Variants in PIK3R1 observed in about 807,000 individuals in gnomAD.
PIK3R1 encodes phosphatidylinositol 3-kinase regulatory subunit alpha.
In PIK3R1, 29 loss-of-function variants were observed where a neutral mutation model predicts 98.0. The observed-to-expected ratio is 0.30, with a 90% CI of 0.22 to 0.40. The LOEUF is 0.40. Among genes scored for constraint, PIK3R1 ranks in the 10% least tolerant of loss-of-function variants. The pLI is 1.00. For missense variants in PIK3R1, 596 were observed against 872.7 expected (o/e 0.68, Z 3.99); for synonymous variants, 282 against 311.8 (o/e 0.90, Z 1.01).
At chr5:68,224,850 C>T (rs1292411707) in intron 1 of PIK3R1, among the ~76,000 whole-genome samples, 1 of 152,188 alleles carries the variant, frequency 6.6e-6, no homozygotes, top group East Asian at 1.9e-4. Flanking sequence ...GACTTAGTAA[C>T]TCTCTAATTC....
At chr5:68,288,782 G>A in intron 7 of PIK3R1, 2 of 1,603,790 alleles carry the variant, frequency 1.2e-6, no homozygotes, top group African/African-American at 1.3e-5. Context: ...GCACTTCTCT[G>A]TTCCTTATCT....
chr5:68,257,564 T>G (rs939333731), intron 2 of PIK3R1, among the ~76,000 whole-genome samples: 6 of 152,258 alleles, frequency 3.9e-5, no homozygotes, highest in Non-Finnish European at 7.3e-5. Context: ...GCTAATACTT[T>G]TACTCCTATG....
intron 2 of PIK3R1, among the ~76,000 whole-genome samples, chr5:68,231,106 A>G (rs1367545563): frequency 2.0e-5 from 3 of 152,206 alleles, no homozygotes; most frequent in Non-Finnish European, 4.4e-5. Flanking sequence ...GAATAAAAAT[A>G]TATTCCTCTG....
intron 1 of PIK3R1, among the ~76,000 whole-genome samples, chr5:68,218,601 G>GA (rs1020415653): frequency 2.0e-5 from 3 of 151,922 alleles, no homozygotes; most frequent in African/African-American, 4.8e-5. Context: ...TGAGCAGGCT[G>GA]AAAAAAAATT....
chr5:68,244,576 C>A (rs781102871), intron 2 of PIK3R1, among the ~76,000 whole-genome samples: 28 of 122,452 alleles, frequency 2.3e-4, no homozygotes, highest in Non-Finnish European at 4.2e-4. Context: ...TATTAAACTT[C>A]TGCTCTGGAC....
chr5:68,295,721 TAATGATGTCCCTGAACATCTGAAA>T (rs1747677450), intron 14 of PIK3R1: 2 of 558,392 alleles, frequency 3.6e-6, no homozygotes, highest in South Asian at 2.3e-5. Flanking sequence ...TCTGTGTCCA[TAATGATGTCCCTGAACATCTGAAA>T]AATCCCAAAA....
At chr5:68,239,755 G>C (rs919355843) in intron 2 of PIK3R1, 3 of 428,292 alleles carry the variant, frequency 7.0e-6, no homozygotes, top group Non-Finnish European at 1.4e-5. Context: ...CGGAGCCAAA[G>C]GCAGATGACT....
intron 2 of PIK3R1, among the ~76,000 whole-genome samples, chr5:68,261,857 G>A (rs1408471753): frequency 6.6e-6 from 1 of 152,150 alleles, no homozygotes; most frequent in Non-Finnish European, 1.5e-5. Flanking sequence ...AGAACAAAAT[G>A]TACAAACTCC....
chr5:68,243,411 A>G (rs561998740), intron 2 of PIK3R1, among the ~76,000 whole-genome samples: 1 of 152,322 alleles, frequency 6.6e-6, no homozygotes, highest in East Asian at 1.9e-4. Context: ...AGATGAGAGG[A>G]TTTTCCTCAG....
intron 2 of PIK3R1, among the ~76,000 whole-genome samples, chr5:68,250,200 G>A (rs959387737): frequency 6.6e-6 from 1 of 152,190 alleles, no homozygotes; most frequent in Non-Finnish European, 1.5e-5. Context: ...GGGGTCTAAG[G>A]AGCTTAGGCT....
In PIK3R1 at chr5:68,280,971, T is replaced by C; in HGVS notation, c.881T>C (p.Ile294Thr). 6.2e-7 allele frequency: 1 copy of C among 1,606,682 alleles called. No individual in the cohort carries two copies. The highest frequency in any genetic ancestry group is 8.5e-7 in the Non-Finnish European group (1 of 1,175,488). The change falls in exon 7 of 16, where the codon ATC (isoleucine) becomes ACC (threonine). Residue 294 changes from isoleucine to threonine, a missense_variant. This residue lies in a region of PIK3R1 where 352 missense variants were observed against 393.3 expected (regional missense o/e 0.90). Transcript: ENST00000521381. ...ENLIKVIEIL[I>T]STEWNERQPA... is the part of the protein sequence containing the mutation. ...CTCATAAAAGTTATAGAAATTTTAATCTCAACTGAATGGAATGAACGACAG... is the reference window on the plus strand; with the variant it reads ...CTCATAAAAGTTATAGAAATTTTAACCTCAACTGAATGGAATGAACGACAG...
chr5:68,294,254 T>C (rs913285938), intron 11 of PIK3R1, among the ~76,000 whole-genome samples: 2 of 152,226 alleles, frequency 1.3e-5, no homozygotes, highest in African/African-American at 2.4e-5. Flanking sequence ...TGGTCACTCA[T>C]GTATCTGGGA....
intron 1 of PIK3R1, among the ~76,000 whole-genome samples, chr5:68,221,126 G>A (rs978362892): frequency 6.6e-6 from 1 of 152,184 alleles, no homozygotes; most frequent in African/African-American, 2.4e-5. Context: ...ATAAGATGAA[G>A]GCCTTCACCA....
intron 2 of PIK3R1, among the ~76,000 whole-genome samples, chr5:68,262,854 TAG>T (rs757349042): frequency 4.2e-5 from 2 of 47,780 alleles, no homozygotes; most frequent in African/African-American, 1.0e-4. Flanking sequence ...TAGATACATG[TAG>T]ATACATGTAT....
In PIK3R1 at chr5:68,249,948, T is replaced by A. The variant is rs1745240626; in HGVS notation, c.334+22939T>A. On this transcript the variant is annotated intron_variant, in intron 2 of 15. Transcript: ENST00000521381. Reference sequence around the variant, plus strand: ...CATCACTGTTCACAGTCATCTATTATGTGCTTACTCTATGCCAAGTGTTGG... The same window carrying A: ...CATCACTGTTCACAGTCATCTATTAAGTGCTTACTCTATGCCAAGTGTTGG... Among the ~76,000 whole-genome samples, 3 of 152,218 alleles carry A rather than the reference T, an allele frequency of 2.0e-5. No individual in the cohort carries two copies. The South Asian group carries it at 6.2e-4, about 31-fold the overall frequency.
chr5:68,231,765 C>T (rs1440477036), intron 2 of PIK3R1, among the ~76,000 whole-genome samples: 1 of 152,244 alleles, frequency 6.6e-6, no homozygotes, highest in East Asian at 1.9e-4. Flanking sequence ...TATACTTTCT[C>T]ATAACATTCT....
intron 2 of PIK3R1, among the ~76,000 whole-genome samples, chr5:68,227,732 A>G (rs1173000864): frequency 1.3e-5 from 2 of 152,150 alleles, no homozygotes; most frequent in Admixed American, 1.3e-4. Context: ...ACCCAATCCT[A>G]TAGTTAGTAT....
intron 1 of PIK3R1, among the ~76,000 whole-genome samples, chr5:68,219,622 A>G (rs373342446): frequency 2.2e-4 from 34 of 152,352 alleles, no homozygotes; most frequent in African/African-American, 7.9e-4. Flanking sequence ...ACCTCAGGTA[A>G]GGAGAGAACT....
intron 1 of PIK3R1, among the ~76,000 whole-genome samples, chr5:68,216,822 A>G (rs900187571): frequency 4.5e-5 from 5 of 110,620 alleles, no homozygotes; most frequent in Admixed American, 1.8e-4. Flanking sequence ...CAAAGAGAAC[A>G]GAAAACCTCT....
Sources: allele counts gnomAD v4.1 joint callset (sites outside exome capture counted in the v4.1 genomes callset), GRCh38; gene constraint gnomAD v4.1.1; regional missense constraint gnomAD v4.1.1; transcripts MANE v1.5; gene names NCBI Gene and HGNC (gene_info 2026-07-23, HGNC 2026-07-21).